The following STARD9 variants were observed in gnomAD, a reference collection of about 807,000 sequenced individuals.
The protein encoded by STARD9 is stAR-related lipid transfer protein 9.
In STARD9, 346 loss-of-function variants were observed where a neutral mutation model predicts 399.8. That is an observed-to-expected ratio of 0.87 (90% confidence interval 0.79 to 0.95). The LOEUF (loss-of-function observed/expected upper bound fraction) is 0.95. Ranked by LOEUF, STARD9 falls within the 40% of genes least tolerant of loss-of-function variation. STARD9 has a pLI of 0.00. For missense variants in STARD9, 5,832 were observed against 5,667.5 expected (o/e 1.03, Z -0.93); for synonymous variants, 2,203 against 2,143.5 (o/e 1.03, Z -0.77).
chr15:42,676,516 G>A (rs979309493), intron 20 of STARD9, among the ~76,000 whole-genome samples: 3 of 152,176 alleles, frequency 2.0e-5, no homozygotes, highest in African/African-American at 7.2e-5. Flanking sequence ...GGAACAATAT[G>A]AAAATATCTT....
chr15:42,718,017 G>T lies in STARD9; in HGVS notation c.13600G>T (p.Val4534Leu). ...EEQAVQLYYK[V>L]FSPTRHGFLG... Reference sequence around the variant, plus strand: ...GCAGGCGGTGCAGCTTTACTACAAGGTGTTTTCTCCCACTCGGCATGGCTT... The same window carrying T: ...GCAGGCGGTGCAGCTTTACTACAAGTTGTTTTCTCCCACTCGGCATGGCTT... The change falls in exon 30 of 33, where the codon GTG (valine) becomes TTG (leucine). Residue 4534 changes from valine (V) to leucine (L), a missense_variant. Physicochemically the swap from Val to Leu is conservative, Grantham distance 32. This residue lies in a region of STARD9 where 5,828 missense variants were observed against 5,651.1 expected (regional missense o/e 1.03). Transcript: ENST00000290607. 1 of 1,537,234 alleles carries T rather than the reference G, an allele frequency of 6.5e-7. No homozygotes were observed. The highest frequency in any genetic ancestry group is 8.7e-7 in the Non-Finnish European group (1 of 1,146,910).
At chr15:42,581,653 G>T (rs2058174103) in intron 1 of STARD9, among the ~76,000 whole-genome samples, 1 of 143,642 alleles carries the variant, frequency 7.0e-6, no homozygotes, top group Non-Finnish European at 1.5e-5. Context: ...CGATCCTCGG[G>T]CCTCGCCAGC....
At chr15:42,608,119 G>A (rs1308964372) in intron 3 of STARD9, among the ~76,000 whole-genome samples, 1 of 152,156 alleles carries the variant, frequency 6.6e-6, no homozygotes, top group African/African-American at 2.4e-5. Flanking sequence ...CTGGAGTCAG[G>A]CTTTGTTTGC....
intron 3 of STARD9, among the ~76,000 whole-genome samples, chr15:42,629,445 A>AAT (rs1210313711): frequency 1.3e-5 from 2 of 152,320 alleles, no homozygotes; most frequent in East Asian, 3.9e-4. Flanking sequence ...AACATATAGA[A>AAT]ATGCTACTGA....
intron 3 of STARD9, among the ~76,000 whole-genome samples, chr15:42,616,514 G>C (rs191609994): frequency 2.4e-4 from 36 of 152,258 alleles, no homozygotes; most frequent in African/African-American, 7.9e-4. Context: ...TTTTGTTAGC[G>C]GCAGAATATC....
Position 42,685,877 on chromosome 15 carries a change from A to G in STARD9, c.4299A>G (p.Gln1433=). 6.5e-7 allele frequency: 1 copy of G among 1,537,136 alleles called. No homozygotes were observed. Among genetic ancestry groups the G allele is most frequent in the Non-Finnish European group, 8.7e-7 (1 of 1,146,916 alleles). The change falls in exon 23 of 33, where the codon CAA becomes CAG. Residue 1433 remains glutamine, a synonymous_variant. Transcript: ENST00000290607. ...LSLWGIQRLI[Q]PGADGTFQGR... ...TCTGGGGAATTCAAAGGCTTATTCA[A>G]CCAGGAGCTGATGGCACCTTTCAGG...
chr15:42,626,351 T>C (rs1595664298), intron 3 of STARD9, among the ~76,000 whole-genome samples: 1 of 140,362 alleles, frequency 7.1e-6, no homozygotes, highest in Admixed American at 6.8e-5. Context: ...CCTCTTCCTC[T>C]TCTTCCTCTT....
Position 42,686,494 on chromosome 15 carries a change from C to T in STARD9, c.4916C>T (p.Pro1639Leu). 1.3e-6 allele frequency: 2 copies of T among 1,537,768 alleles called. No individual in the cohort carries two copies. The highest frequency in any genetic ancestry group is 1.7e-6 in the Non-Finnish European group (2 of 1,147,054). The stretch of plus-strand genomic sequence containing the variant: ...GAATGCCTTCAGAGTTGCAGGAAAC[C>T]TGGACTGATGACTTCCTCTGATGAG... ...LEECLQSCRK[P>L]GLMTSSDEDF... Residue 1639 changes from proline to leucine, a missense_variant, in exon 23 of 33, where the codon CCT becomes CTT. Pro to Leu is a moderately conservative substitution (Grantham distance 98). Transcript: ENST00000290607.
At position 42,718,863 on chromosome 15, in the gene STARD9, A is replaced by G. The variant is rs772419998; in HGVS notation, c.13954A>G (p.Ile4652Val). 4 of 1,537,132 alleles carry G rather than the reference A, an allele frequency of 2.6e-6. No homozygotes were observed. Among genetic ancestry groups the G allele is most frequent in the South Asian group, 2.4e-5 (2 of 84,070 alleles). Residue 4652 changes from isoleucine (I) to valine (V), a missense_variant, in exon 32 of 33, where the codon ATC (isoleucine) becomes GTC (valine). Physicochemically the swap from Ile to Val is conservative, Grantham distance 29. Around this residue, in one of 2 missense-constraint regions of STARD9, gnomAD observed 5,828 missense variants for 5,651.1 expected, o/e 1.03. Coordinates refer to ENST00000290607, the MANE Select transcript of STARD9 (RefSeq NM_020759.3). ...GCCCAGTGCCTGGATCTTGCAGCCC[A>G]TCACTGTGGAAGGGAAGGAAGTCAC... ...ILPSAWILQP[I>V]TVEGKEVTRV... is the part of the protein sequence containing the mutation.
At chr15:42,701,838 C>T (rs1449528750) in intron 26 of STARD9, among the ~76,000 whole-genome samples, 11 of 151,610 alleles carry the variant, frequency 7.3e-5, no homozygotes, top group African/African-American at 1.7e-4. Context: ...ACTAAAAATA[C>T]AAAAAATTAG....
chr15:42,665,906 T>G, intron 15 of STARD9, 58 bp downstream of exon 15: 1 of 1,424,264 alleles, frequency 7.0e-7, no homozygotes, highest in South Asian at 1.2e-5. Context: ...TCCTCCATTA[T>G]TCCGGAGCTA....
chr15:42,688,440 G>T lies in STARD9; in HGVS notation c.6862G>T (p.Glu2288Ter). ...TATGCAAAGGGGAGGCAGCCTTCAG[G>T]AAGAAAATAAAGTGACTCAGAAATT... ...MPMQRGGSLQ[E>*]ENKVTQKFPS... is the part of the protein sequence containing the mutation. Residue 2288 changes from glutamate (E) to a stop codon, truncating the protein, a stop_gained, in exon 23 of 33, where the codon GAA (glutamate) becomes TAA (stop). Coordinates refer to ENST00000290607, the MANE Select transcript of STARD9 (RefSeq NM_020759.3). LOFTEE classifies it high-confidence loss of function. 1 of 1,537,756 alleles carries T rather than the reference G, an allele frequency of 6.5e-7. No individual in the cohort carries two copies. The highest frequency in any genetic ancestry group is 8.7e-7 in the Non-Finnish European group (1 of 1,147,044).
chr15:42,635,260 CAA>C (rs199906714), intron 4 of STARD9, among the ~76,000 whole-genome samples: 14 of 99,934 alleles, frequency 1.4e-4, no homozygotes, highest in African/African-American at 1.5e-4. Flanking sequence ...AACTCCATCT[CAA>C]AAAAAAAAAA....
chr15:42,664,789 AACACACACACACAC>A (rs55773330), intron 13 of STARD9, among the ~76,000 whole-genome samples: 74 of 144,824 alleles, frequency 5.1e-4, no homozygotes, highest in Middle Eastern at 3.5e-3. Flanking sequence ...TTTATCCTTT[AACACACACACACAC>A]ACACACACAC....
intron 16 of STARD9, among the ~76,000 whole-genome samples, 187 bp from the exon 17 acceptor site, chr15:42,674,253 T>A (rs2060263068): frequency 6.6e-6 from 1 of 151,650 alleles, no homozygotes; most frequent in Admixed American, 6.6e-5. Context: ...GGCTGTAGAG[T>A]GAGTGGGCAG....
At chr15:42,704,035 G>A (rs1375386731) in intron 26 of STARD9, among the ~76,000 whole-genome samples, 14 of 152,088 alleles carry the variant, frequency 9.2e-5, no homozygotes, top group Admixed American at 9.2e-4. Context: ...AGCCTCCCGA[G>A]TAGCTGGGAT....
intron 3 of STARD9, among the ~76,000 whole-genome samples, chr15:42,607,280 A>T (rs894639035): frequency 7.6e-6 from 1 of 130,918 alleles, no homozygotes; most frequent in South Asian, 2.5e-4. Context: ...TCAGTTCACT[A>T]CAACCTTCGC....
At position 42,718,887 on chromosome 15, in the gene STARD9, A is replaced by T. The variant is rs2061400087; in HGVS notation, c.13978A>T (p.Thr4660Ser). The change falls in exon 32 of 33, where the codon ACC becomes TCC. Residue 4660 changes from threonine to serine, a missense_variant. Thr to Ser is a moderately conservative substitution (Grantham distance 58, BLOSUM62 1). This residue lies in a region of STARD9 where 5,828 missense variants were observed against 5,651.1 expected (regional missense o/e 1.03). Coordinates refer to ENST00000290607, the MANE Select transcript of STARD9 (RefSeq NM_020759.3). ...QPITVEGKEV[T>S]RVIYLAQVEL... ...CATCACTGTGGAAGGGAAGGAAGTC[A>T]CCAGAGTCATCTACTTGGCCCAGGT... is the stretch of plus-strand genomic sequence containing the variant. 1 of 1,537,128 alleles carries T rather than the reference A, an allele frequency of 6.5e-7. No individual in the cohort carries two copies. The highest frequency in any genetic ancestry group is 2.0e-5 in the Admixed American group (1 of 50,978).
chr15:42,718,458 C>T lies in STARD9; in HGVS notation c.13786C>T (p.Leu4596=), dbSNP rs940013728. 5 of 1,537,102 alleles carry T rather than the reference C, an allele frequency of 3.3e-6. No individual in the cohort carries two copies. Among genetic ancestry groups the T allele is most frequent in the African/African-American group, 2.7e-5 (2 of 73,046 alleles). The change falls in exon 31 of 33, where the codon CTG becomes TTG. Residue 4596 remains leucine (L), a synonymous_variant. Transcript: ENST00000290607. ...AGTGTACTTGGTGTGCAACACCACCCTGTGCGCACTGAAGCAGCCACGGGA... is the reference window on the plus strand; with the variant it reads ...AGTGTACTTGGTGTGCAACACCACCTTGTGCGCACTGAAGCAGCCACGGGA... ...SLVYLVCNTT[L]CALKQPRDFC...
Sources: gnomAD v4.1 joint callset for allele counts (sites outside exome capture counted in the v4.1 genomes callset) on GRCh38, gnomAD v4.1.1 for gene constraint, gnomAD v4.1.1 regional missense constraint, MANE v1.5 for transcripts, NCBI Gene and HGNC (gene_info 2026-07-23, HGNC 2026-07-21) for gene names.